The following ST6GALNAC3 variants were observed in gnomAD, a reference collection of about 807,000 sequenced individuals.
ST6GALNAC3 encodes the protein ST6 N-acetylgalactosaminide alpha-2,6-sialyltransferase 3.
Under a neutral mutation model 32.7 loss-of-function variants are expected in ST6GALNAC3, and 25 were observed. The observed-to-expected ratio is 0.76, with a 90% CI of 0.56 to 1.07. The LOEUF (loss-of-function observed/expected upper bound fraction) is 1.07. Among genes scored for constraint, ST6GALNAC3 ranks in the 50% least tolerant of loss-of-function variants. The pLI, the probability that ST6GALNAC3 is intolerant of heterozygous loss-of-function variation, is 0.00. For missense variants in ST6GALNAC3, 355 were observed against 382.4 expected (o/e 0.93, Z 0.60); for synonymous variants, 129 against 133.1 (o/e 0.97, Z 0.21).
intron 3 of ST6GALNAC3, among the ~76,000 whole-genome samples, chr1:76,523,706 G>A (rs1400292681): frequency 6.6e-6 from 1 of 152,082 alleles, no homozygotes; most frequent in Non-Finnish European, 1.5e-5. Context: ...AGTACAAAAT[G>A]TCCCACTCCA....
chr1:76,102,466 G>C (rs1647266701), intron 1 of ST6GALNAC3, among the ~76,000 whole-genome samples: 1 of 151,946 alleles, frequency 6.6e-6, no homozygotes, highest in Non-Finnish European at 1.5e-5. Flanking sequence ...AGTCCTGCTT[G>C]TTCCTTGTTC....
chr1:76,191,461 G>T (rs1653893750), intron 1 of ST6GALNAC3, among the ~76,000 whole-genome samples: 1 of 152,140 alleles, frequency 6.6e-6, no homozygotes. Flanking sequence ...CTATTGTACA[G>T]AAGGGTGACA....
chr1:76,551,905 T>C (rs889975147), intron 3 of ST6GALNAC3, among the ~76,000 whole-genome samples: 3 of 152,160 alleles, frequency 2.0e-5, no homozygotes, highest in African/African-American at 7.2e-5. Flanking sequence ...GTCAACATTT[T>C]CAGTTGCATG....
chr1:76,076,630 A>G (rs1447992874), intron 1 of ST6GALNAC3, among the ~76,000 whole-genome samples: 2 of 152,234 alleles, frequency 1.3e-5, no homozygotes, highest in East Asian at 1.9e-4. Context: ...CAGGCATTTA[A>G]TATGTGCCAT....
chr1:76,277,913 A>G (rs1240460638), intron 1 of ST6GALNAC3, among the ~76,000 whole-genome samples: 3 of 152,002 alleles, frequency 2.0e-5, no homozygotes, highest in Non-Finnish European at 4.4e-5. Context: ...AATGAGCTTT[A>G]AGTCTGGTTA....
At chr1:76,521,327 A>C (rs1050345345) in intron 3 of ST6GALNAC3, among the ~76,000 whole-genome samples, 15 of 152,114 alleles carry the variant, frequency 9.9e-5, no homozygotes, top group African/African-American at 2.9e-4. Flanking sequence ...ACATACATGC[A>C]TATACACACA....
At chr1:76,421,230 G>C (rs1655010585) in intron 3 of ST6GALNAC3, among the ~76,000 whole-genome samples, 1 of 152,064 alleles carries the variant, frequency 6.6e-6, no homozygotes, top group African/African-American at 2.4e-5. Context: ...AAAGAGGCAA[G>C]TTCTAGGATT....
chr1:76,506,496 C>A (rs1661486823), intron 3 of ST6GALNAC3, among the ~76,000 whole-genome samples: 1 of 152,164 alleles, frequency 6.6e-6, no homozygotes, highest in African/African-American at 2.4e-5. Flanking sequence ...ATAGCAAAAC[C>A]CTCCCTAGGT....
At chr1:76,210,043 G>GT (rs11326234) in intron 1 of ST6GALNAC3, among the ~76,000 whole-genome samples, 22 of 148,608 alleles carry the variant, frequency 1.5e-4, no homozygotes, top group South Asian at 1.1e-3. Context: ...TTAGAGCTGC[G>GT]TTTTTTTTTT....
At chr1:76,374,756 A>G (rs1256250038) in intron 2 of ST6GALNAC3, among the ~76,000 whole-genome samples, 3 of 152,180 alleles carry the variant, frequency 2.0e-5, no homozygotes, top group Admixed American at 6.5e-5. Flanking sequence ...ATTTTACATT[A>G]ATATTGACAC....
chr1:76,376,703 A>T (rs1375586474), intron 2 of ST6GALNAC3, among the ~76,000 whole-genome samples: 4 of 152,176 alleles, frequency 2.6e-5, no homozygotes, highest in African/African-American at 9.7e-5. Flanking sequence ...TCTGATTTTT[A>T]ATTAGTGTAT....
intron 1 of ST6GALNAC3, among the ~76,000 whole-genome samples, chr1:76,271,585 C>A (rs1658846530): frequency 6.6e-6 from 1 of 152,158 alleles, no homozygotes; most frequent in Non-Finnish European, 1.5e-5. Context: ...ACAATTCTAT[C>A]TGGAAAGTCT....
At chr1:76,103,773 C>G (rs967630263) in intron 1 of ST6GALNAC3, among the ~76,000 whole-genome samples, 1 of 152,148 alleles carries the variant, frequency 6.6e-6, no homozygotes, top group Non-Finnish European at 1.5e-5. Flanking sequence ...TTTCACATGG[C>G]CTTCTCCTCT....
At chr1:76,528,212 A>G (rs1003293645) in intron 3 of ST6GALNAC3, among the ~76,000 whole-genome samples, 1 of 152,164 alleles carries the variant, frequency 6.6e-6, no homozygotes, top group Non-Finnish European at 1.5e-5. Flanking sequence ...ACTTCTGAGC[A>G]TTCACTATGT....
chr1:76,287,367 G>A (rs1413806821), intron 1 of ST6GALNAC3, among the ~76,000 whole-genome samples: 1 of 146,590 alleles, frequency 6.8e-6, no homozygotes, highest in Admixed American at 6.9e-5. Context: ...TTTGTCAGTT[G>A]TAGGTTTTCT....
At chr1:76,078,541 T>A (rs1346441169) in intron 1 of ST6GALNAC3, among the ~76,000 whole-genome samples, 2 of 152,192 alleles carry the variant, frequency 1.3e-5, no homozygotes, top group East Asian at 3.9e-4. Context: ...CCTTATTGAT[T>A]ATAGAGCCAT....
intron 3 of ST6GALNAC3, chr1:76,577,478 A>G (rs1026164041): frequency 4.8e-6 from 1 of 207,912 alleles, no homozygotes; most frequent in Non-Finnish European, 8.4e-6. Context: ...TCATAGATAT[A>G]ATACCATTTA....
At chr1:76,527,185 G>A (rs953852865) in intron 3 of ST6GALNAC3, among the ~76,000 whole-genome samples, 7 of 152,052 alleles carry the variant, frequency 4.6e-5, no homozygotes, top group Non-Finnish European at 7.4e-5. Context: ...CAGGTTTCGC[G>A]TTGGTGACAG....
chr1:76,267,719 G>A (rs1658613826), intron 1 of ST6GALNAC3, among the ~76,000 whole-genome samples: 2 of 152,182 alleles, frequency 1.3e-5, no homozygotes, highest in Non-Finnish European at 2.9e-5. Flanking sequence ...GGCAAATGAA[G>A]GGAATTCATG....
Sources: gnomAD v4.1 joint callset for allele counts (sites outside exome capture counted in the v4.1 genomes callset) on GRCh38, gnomAD v4.1.1 for gene constraint, MANE v1.5 for transcripts, NCBI Gene and HGNC (gene_info 2026-07-23, HGNC 2026-07-21) for gene names.